The following LEPR variants were observed in gnomAD, a reference collection of about 807,000 sequenced individuals.
LEPR encodes the protein leptin receptor.
LEPR carries 56 observed loss-of-function variants against 114.7 expected under a neutral mutation model. The observed-to-expected ratio is 0.49, with a 90% confidence interval of 0.39 to 0.61. The LOEUF (loss-of-function observed/expected upper bound fraction) is 0.61. Among genes scored for constraint, LEPR ranks in the 20% least tolerant of loss-of-function variants. LEPR has a pLI of 0.00. For missense variants in LEPR, 1,202 were observed against 1,352.9 expected, an observed-to-expected ratio of 0.89 and a Z score of 1.75; for synonymous variants, 443 against 461.4, an observed-to-expected ratio of 0.96 and a Z score of 0.51.
In LEPR at chr1:65,521,902, C is replaced by A. The variant is rs181541440; in HGVS notation, c.-20-43644C>A. Among the ~76,000 whole-genome samples, 25 of 152,076 alleles carry A rather than the reference C, an allele frequency of 1.6e-4. No individual in the cohort carries two copies. The East Asian group carries it at 4.5e-3, about 27-fold the overall frequency. ...ATCAATTGACGTCAGGAGTTTGAGA[C>A]CAGCCTGGTCAACATTGTGAAACCC... On this transcript the variant is annotated intron_variant, in intron 2 of 19. Coordinates refer to ENST00000349533, the MANE Select transcript of LEPR (RefSeq NM_002303.6).
chr1:65,582,148 G>C (rs940750785), intron 5 of LEPR, among the ~76,000 whole-genome samples: 3 of 152,176 alleles, frequency 2.0e-5, no homozygotes, highest in Non-Finnish European at 2.9e-5. Context: ...CTGCATTAGT[G>C]ATCTAATGTC....
In LEPR at chr1:65,636,782, G is replaced by C. The variant is rs886492704; in HGVS notation, c.3265G>C (p.Glu1089Gln). 1 of 1,613,942 alleles carries C rather than the reference G, an allele frequency of 6.2e-7. No individual in the cohort carries two copies. The highest frequency in any genetic ancestry group is 8.5e-7 in the Non-Finnish European group (1 of 1,180,010). Residue 1089 changes from glutamate to glutamine, a missense_variant, in exon 20 of 20, where the codon GAG (glutamate) becomes CAG (glutamine). Transcript: ENST00000349533. ...YLGVTSIKKRESGVLLTDKSR... is the reference protein window; with the variant it reads ...YLGVTSIKKRQSGVLLTDKSR... ...AGGGGTCACCTCAATCAAAAAGAGA[G>C]AGAGTGGTGTGCTTTTGACTGACAA...
At chr1:65,620,489 T>C (rs1657810050) in intron 17 of LEPR, among the ~76,000 whole-genome samples, 1 of 152,166 alleles carries the variant, frequency 6.6e-6, no homozygotes, top group Admixed American at 6.6e-5. Context: ...ATACCAGTGC[T>C]CTAATTGAGA....
At chr1:65,438,675 A>G (rs1440516935) in intron 2 of LEPR, among the ~76,000 whole-genome samples, 1 of 152,026 alleles carries the variant, frequency 6.6e-6, no homozygotes, top group Non-Finnish European at 1.5e-5. Flanking sequence ...TTTGAGGACT[A>G]ATTAAGACAA....
At chr1:65,627,190 G>A (rs981772529) in intron 19 of LEPR, among the ~76,000 whole-genome samples, 4 of 152,048 alleles carry the variant, frequency 2.6e-5, no homozygotes, top group East Asian at 3.9e-4. Flanking sequence ...ATTGATACCC[G>A]TGCCATCAGT....
Position 65,423,367 on chromosome 1 carries a change from A to G in LEPR, c.-96-1936A>G, listed in dbSNP as rs562141122. Among the ~76,000 whole-genome samples, 23 of 152,268 alleles carry G rather than the reference A, an allele frequency of 1.5e-4. No homozygotes were observed. The South Asian group carries it at 4.8e-3, about 32-fold the overall frequency. On this transcript the variant is annotated intron_variant, in intron 1 of 19. Coordinates refer to ENST00000349533, the MANE Select transcript of LEPR (RefSeq NM_002303.6). ...AGATTCAGAGGATGTGATTCCTGAA[A>G]AAAGAGGAAAAAAAAGACCAAAAAG...
chr1:65,436,939 A>C (rs533104555), intron 2 of LEPR, among the ~76,000 whole-genome samples: 1 of 152,284 alleles, frequency 6.6e-6, no homozygotes, highest in Admixed American at 6.5e-5. Context: ...TGTGGTTGAG[A>C]GACAAATTAT....
In LEPR at chr1:65,434,781, A is replaced by AC. The variant is rs148242242; in HGVS notation, c.-21+9404dup. On this transcript the variant is annotated intron_variant, in intron 2 of 19. Coordinates refer to ENST00000349533, the MANE Select transcript of LEPR (RefSeq NM_002303.6). ...ACCTCTCCCAACTGAGAACCTTCCC[A>AC]CTGGGCTCCATCCTCCCTCCTGAGG... 1,250 of 985,378 alleles carry AC rather than the reference A, an allele frequency of 1.3e-3. 16 individuals are homozygous for AC. In the African/African-American group the frequency reaches 0.021, roughly 16 times the overall value. 61.0% of individuals were successfully genotyped at this position (985,378 alleles called of 1,614,324 possible). A position where few individuals can be genotyped will look rare whatever the true frequency, so the allele number is the denominator to read the frequency against.
chr1:65,608,050 G>T (rs1434655335), intron 11 of LEPR, among the ~76,000 whole-genome samples: 2 of 151,846 alleles, frequency 1.3e-5, no homozygotes, highest in East Asian at 1.9e-4. Flanking sequence ...CCAAGGCTTT[G>T]CTCTGAGAGA....
chr1:65,579,012 CCTGATGCCACGA>C (rs1654794529), intron 5 of LEPR, among the ~76,000 whole-genome samples: 1 of 152,260 alleles, frequency 6.6e-6, no homozygotes, highest in African/African-American at 2.4e-5. Context: ...ATGGAGGTCA[CCTGATGCCACGA>C]CTGATGAACC....
At chr1:65,490,586 G>A (rs1647814622) in intron 2 of LEPR, among the ~76,000 whole-genome samples, 1 of 152,070 alleles carries the variant, frequency 6.6e-6, no homozygotes, top group African/African-American at 2.4e-5. Context: ...AATCTGGGCT[G>A]TTGTAAGAAT....
chr1:65,494,657 T>G (rs988666009), intron 2 of LEPR, among the ~76,000 whole-genome samples: 2 of 152,180 alleles, frequency 1.3e-5, no homozygotes, highest in African/African-American at 4.8e-5. Context: ...GCACAAGTTC[T>G]TAAACTTTCT....
chr1:65,490,557 G>T (rs141548749), intron 2 of LEPR, among the ~76,000 whole-genome samples: 1 of 151,956 alleles, frequency 6.6e-6, no homozygotes, highest in Admixed American at 6.6e-5. Context: ...ACTTTTCCCC[G>T]TTCAATCCTA....
chr1:65,423,030 C>G (rs909821133), intron 1 of LEPR, among the ~76,000 whole-genome samples: 2 of 152,148 alleles, frequency 1.3e-5, no homozygotes, highest in Non-Finnish European at 2.9e-5. Context: ...CCTACTGATT[C>G]ATTGGAAGGT....
At chr1:65,486,177 C>A (rs141392471) in intron 2 of LEPR, among the ~76,000 whole-genome samples, 1 of 152,098 alleles carries the variant, frequency 6.6e-6, no homozygotes, top group Non-Finnish European at 1.5e-5. Flanking sequence ...GATGTGAGTT[C>A]TGCCTTTGAA....
chr1:65,443,204 A>G (rs1275899947), intron 2 of LEPR, among the ~76,000 whole-genome samples: 1 of 152,160 alleles, frequency 6.6e-6, no homozygotes, highest in Non-Finnish European at 1.5e-5. Flanking sequence ...AAAACTTACT[A>G]GATAAAAGAT....
At chr1:65,546,307 A>G (rs1032144735) in intron 2 of LEPR, among the ~76,000 whole-genome samples, 2 of 152,146 alleles carry the variant, frequency 1.3e-5, no homozygotes, top group Admixed American at 6.5e-5. Context: ...TTTTGGTTCC[A>G]TGTGAACTTT....
intron 5 of LEPR, among the ~76,000 whole-genome samples, chr1:65,586,570 T>C (rs1655332340): frequency 6.6e-6 from 1 of 152,046 alleles, no homozygotes; most frequent in South Asian, 2.1e-4. Context: ...TTAATGTTAC[T>C]ACATTTATGG....
chr1:65,533,552 T>C (rs1456567861), intron 2 of LEPR, among the ~76,000 whole-genome samples: 1 of 152,194 alleles, frequency 6.6e-6, no homozygotes, highest in Non-Finnish European at 1.5e-5. Flanking sequence ...GAATGTTCGA[T>C]TAAATGTTTT....
Sources: allele counts gnomAD v4.1 joint callset (sites outside exome capture counted in the v4.1 genomes callset), GRCh38; gene constraint gnomAD v4.1.1; transcripts MANE v1.5; gene names NCBI Gene and HGNC (gene_info 2026-07-23, HGNC 2026-07-21).